Variants in UBE2Q2 observed in about 807,000 individuals in gnomAD.
The protein encoded by UBE2Q2 is ubiquitin conjugating enzyme E2 Q2.
UBE2Q2 carries 54 observed loss-of-function variants against 59.9 expected under a neutral mutation model. The observed-to-expected ratio is 0.90, with a 90% CI of 0.72 to 1.13. The LOEUF (loss-of-function observed/expected upper bound fraction) is 1.13. Ranked by LOEUF, UBE2Q2 falls within the 50% of genes most tolerant of loss-of-function variation. The pLI is 0.00. For synonymous variants in UBE2Q2, 165 were observed against 155.2 expected (o/e 1.06, Z -0.47); for missense variants, 433 against 441.9 (o/e 0.98, Z 0.18).
intron 12 of UBE2Q2, among the ~76,000 whole-genome samples, chr15:75,899,167 T>C (rs1201520619): frequency 1.3e-5 from 2 of 150,664 alleles, no homozygotes; most frequent in South Asian, 2.1e-4. Flanking sequence ...TCCCAGCTAC[T>C]TGGGAGGCTG....
At chr15:75,870,398 A>G (rs2141606994) in intron 4 of UBE2Q2, among the ~76,000 whole-genome samples, 1 of 152,272 alleles carries the variant, frequency 6.6e-6, no homozygotes, top group East Asian at 1.9e-4. Context: ...TGAGTCTGGG[A>G]GTAAAATACT....
intron 3 of UBE2Q2, among the ~76,000 whole-genome samples, chr15:75,866,564 C>A (rs1412553343): frequency 6.6e-6 from 1 of 152,124 alleles, no homozygotes; most frequent in African/African-American, 2.4e-5. Context: ...TCTTTTTATT[C>A]CCCTTCATCC....
At chr15:75,844,803 T>C (rs994799575) in intron 1 of UBE2Q2, among the ~76,000 whole-genome samples, 8 of 152,164 alleles carry the variant, frequency 5.3e-5, no homozygotes, top group Non-Finnish European at 7.3e-5. Context: ...GGCTTCGGGC[T>C]CCTTTTCAAA....
intron 8 of UBE2Q2, among the ~76,000 whole-genome samples, chr15:75,882,474 A>T (rs545504503): frequency 8.1e-4 from 123 of 152,212 alleles, no homozygotes; most frequent in Non-Finnish European, 1.1e-3. Context: ...AATCATACAT[A>T]ATGAAGAGGT....
chr15:75,883,176 T>G (rs900915269), intron 8 of UBE2Q2, among the ~76,000 whole-genome samples, 190 bp from the exon 9 acceptor site: 2 of 152,198 alleles, frequency 1.3e-5, no homozygotes, highest in African/African-American at 4.8e-5. Flanking sequence ...CTGTTCTGTT[T>G]GGGCCTGATT....
intron 9 of UBE2Q2, among the ~76,000 whole-genome samples, chr15:75,889,854 G>A (rs1405141760): frequency 6.6e-6 from 1 of 152,144 alleles, no homozygotes; most frequent in Admixed American, 6.5e-5. Flanking sequence ...GGGAGATTTG[G>A]TACATCCCCA....
intron 1 of UBE2Q2, 81 bp downstream of exon 1, chr15:75,843,927 T>G: frequency 7.0e-7 from 1 of 1,432,580 alleles, no homozygotes; most frequent in Non-Finnish European, 9.1e-7. Context: ...AAGGGGAGCC[T>G]GCCCCGGAGA....
chr15:75,863,024 G>A (rs975709924), intron 3 of UBE2Q2, among the ~76,000 whole-genome samples: 1 of 152,098 alleles, frequency 6.6e-6, no homozygotes, highest in African/African-American at 2.4e-5. Flanking sequence ...TGAGGTAGAT[G>A]TATGTTTGCT....
intron 1 of UBE2Q2, among the ~76,000 whole-genome samples, chr15:75,848,448 T>C (rs1896469015): frequency 1.3e-5 from 2 of 152,218 alleles, no homozygotes; most frequent in South Asian, 4.1e-4. Context: ...TTTGGAAATA[T>C]CAGAACTGTC....
At position 75,900,373 on chromosome 15, in the gene UBE2Q2, C is replaced by T. The variant is rs1899688538; in HGVS notation, c.*915C>T. On this transcript the variant is annotated 3_prime_UTR_variant, in exon 13 of 13. Coordinates refer to ENST00000267938, the MANE Select transcript of UBE2Q2 (RefSeq NM_173469.4). ...TTGGAGACTCTTACAGTAATTTTTG[C>T]CATGTCAAAACAATGGCTTTTACAT... The T allele has an allele frequency of 6.6e-6, 1 of 152,566 alleles. No individual in the cohort carries two copies. The highest frequency in any genetic ancestry group is 6.5e-5 in the Admixed American group (1 of 15,270). 9.5% of individuals were successfully genotyped at this position (152,566 alleles called of 1,614,324 possible).
At chr15:75,853,736 G>A (rs1324889302) in intron 1 of UBE2Q2, among the ~76,000 whole-genome samples, 1 of 152,164 alleles carries the variant, frequency 6.6e-6, no homozygotes, top group Non-Finnish European at 1.5e-5. Flanking sequence ...TCACCAGGCA[G>A]CGAAGTTGTT....
intron 1 of UBE2Q2, 64 bp downstream of exon 1, chr15:75,843,910 C>G: frequency 1.4e-6 from 2 of 1,477,772 alleles, no homozygotes; most frequent in South Asian, 1.3e-5. Flanking sequence ...CTTCGAGTCC[C>G]GGGACAAAGG....
At chr15:75,899,372 T>G in intron 12 of UBE2Q2, 55 bp from the exon 13 acceptor site, 1 of 1,374,476 alleles carries the variant, frequency 7.3e-7, no homozygotes, top group African/African-American at 1.5e-5. Context: ...TACATGCCAG[T>G]TCTTCTAATT....
chr15:75,869,799 G>A (rs1897688808), intron 4 of UBE2Q2, among the ~76,000 whole-genome samples: 1 of 152,180 alleles, frequency 6.6e-6, no homozygotes, highest in African/African-American at 2.4e-5. Context: ...GCATTCCAAA[G>A]ACATTGAGCT....
At chr15:75,890,411 T>A in intron 9 of UBE2Q2, 24 bp from the exon 10 acceptor site, 1 of 1,578,704 alleles carries the variant, frequency 6.3e-7, no homozygotes, top group African/African-American at 1.4e-5. Flanking sequence ...GAGAATTTTG[T>A]ATGACTCCTT....
chr15:75,897,292 G>T (rs1433845281), intron 12 of UBE2Q2, among the ~76,000 whole-genome samples: 1 of 152,034 alleles, frequency 6.6e-6, no homozygotes, highest in Non-Finnish European at 1.5e-5. Flanking sequence ...CAGCTGGAGT[G>T]CAGTGGCACT....
intron 3 of UBE2Q2, among the ~76,000 whole-genome samples, chr15:75,860,609 G>A (rs915495628): frequency 2.0e-5 from 3 of 151,978 alleles, no homozygotes; most frequent in Non-Finnish European, 4.4e-5. Context: ...TTTAAGATAG[G>A]ATATTTCCTT....
At chr15:75,865,922 A>G (rs1897449422) in intron 3 of UBE2Q2, among the ~76,000 whole-genome samples, 1 of 151,874 alleles carries the variant, frequency 6.6e-6, no homozygotes. Context: ...AGTATTCCAC[A>G]TTGGTGTGGA....
chr15:75,894,179 A>G (rs1275224379), intron 11 of UBE2Q2, among the ~76,000 whole-genome samples: 1 of 152,244 alleles, frequency 6.6e-6, no homozygotes, highest in Non-Finnish European at 1.5e-5. Context: ...AGACTAAAGG[A>G]GAGCTCAGAG....
Sources: gnomAD v4.1 joint callset for allele counts (sites outside exome capture counted in the v4.1 genomes callset) on GRCh38, gnomAD v4.1.1 for gene constraint, MANE v1.5 for transcripts, NCBI Gene and HGNC (gene_info 2026-07-23, HGNC 2026-07-21) for gene names.